The following ROBO2 variants were observed in gnomAD, a reference collection of about 807,000 sequenced individuals.
ROBO2 encodes the protein roundabout guidance receptor 2.
Under a neutral mutation model 160.8 loss-of-function variants are expected in ROBO2, and 53 were observed. The observed-to-expected ratio is 0.33, with a 90% CI of 0.26 to 0.41. The LOEUF (loss-of-function observed/expected upper bound fraction) is 0.41, where lower values mean the gene tolerates loss of function less well. ROBO2 is among the 10% of genes least tolerant of loss of function. ROBO2 has a pLI of 1.00. For missense variants in ROBO2, 1,577 were observed against 1,722.4 expected (o/e 0.92, Z 1.49); for synonymous variants, 664 against 611.7 (o/e 1.09, Z -1.26).
chr3:77,631,516 GT>G (rs1471700469), intron 23 of ROBO2: 1 of 152,032 alleles, frequency 6.6e-6, no homozygotes, highest in Non-Finnish European at 1.5e-5. Flanking sequence ...ATACTTGGTA[GT>G]TTTTTGTGTC....
rs574724641 is a variant in ROBO2 at position 76,109,861 on chromosome 3, C to T, written c.109+172259C>T. 6.4e-4 allele frequency among the ~76,000 whole-genome samples: 97 copies of T among 151,998 alleles called. 3 individuals carry two copies. The South Asian group carries it at 0.018, about 29-fold the overall frequency. On this transcript the variant is annotated intron_variant, in intron 2 of 26. Coordinates refer to the ROBO2 transcript ENST00000487694. The stretch of plus-strand genomic sequence containing the variant: ...GAACTCTACAATGTCTATTATTCTA[C>T]TCTATATGTCTATGTGTGCCTTTTG...
At chr3:77,507,320 C>G (rs187553195) in intron 5 of ROBO2, among the ~76,000 whole-genome samples, 1 of 152,168 alleles carries the variant, frequency 6.6e-6, no homozygotes, top group Non-Finnish European at 1.5e-5. Flanking sequence ...AGTCACTTCC[C>G]CAGCTAGTTC....
intron 2 of ROBO2, among the ~76,000 whole-genome samples, chr3:77,291,259 G>T (rs549285370): frequency 6.7e-6 from 1 of 149,094 alleles, no homozygotes; most frequent in Non-Finnish European, 1.5e-5. Flanking sequence ...CGGTTAAACG[G>T]GTAAGCTGAG....
chr3:77,174,534 A>T (rs912038865), intron 2 of ROBO2, among the ~76,000 whole-genome samples: 2 of 151,990 alleles, frequency 1.3e-5, no homozygotes, highest in Non-Finnish European at 2.9e-5. Context: ...TTTCTGTCTT[A>T]GCAGGTAACT....
chr3:76,323,706 G>T (rs1324029833), intron 2 of ROBO2, among the ~76,000 whole-genome samples: 2 of 152,172 alleles, frequency 1.3e-5, no homozygotes, highest in Non-Finnish European at 2.9e-5. Context: ...GTTTCAAGCT[G>T]TTTCATTTGG....
intron 2 of ROBO2, among the ~76,000 whole-genome samples, chr3:76,093,839 T>A (rs1049053634): frequency 6.6e-6 from 1 of 152,150 alleles, no homozygotes; most frequent in Non-Finnish European, 1.5e-5. Context: ...TTATACTACT[T>A]CTGTGTTATC....
At chr3:77,500,209 C>T (rs894646407) in intron 5 of ROBO2, among the ~76,000 whole-genome samples, 5 of 152,098 alleles carry the variant, frequency 3.3e-5, no homozygotes, top group Non-Finnish European at 7.4e-5. Context: ...TACCATGTGC[C>T]TTACAATGCA....
intron 2 of ROBO2, among the ~76,000 whole-genome samples, chr3:76,153,138 T>C (rs910923062): frequency 4.6e-5 from 7 of 152,152 alleles, no homozygotes; most frequent in Admixed American, 2.6e-4. Flanking sequence ...CAAGAGTGAA[T>C]AGTATGTAAA....
intron 2 of ROBO2, among the ~76,000 whole-genome samples, chr3:76,206,354 C>T (rs1702805309): frequency 6.6e-6 from 1 of 151,938 alleles, no homozygotes; most frequent in South Asian, 2.1e-4. Flanking sequence ...TGGTGTTTGC[C>T]ATTTTGTGTC....
intron 2 of ROBO2, among the ~76,000 whole-genome samples, chr3:76,881,899 C>T (rs1412987678): frequency 6.6e-6 from 1 of 152,036 alleles, no homozygotes; most frequent in Non-Finnish European, 1.5e-5. Context: ...TGGCTGGACT[C>T]AGCAGGATCA....
intron 2 of ROBO2, among the ~76,000 whole-genome samples, chr3:76,209,737 G>T (rs1360583524): frequency 6.6e-6 from 1 of 152,086 alleles, no homozygotes; most frequent in Non-Finnish European, 1.5e-5. Flanking sequence ...CGTGCTCATG[G>T]AATTATTTCA....
chr3:77,531,685 T>A (rs1052412347), intron 6 of ROBO2, among the ~76,000 whole-genome samples: 1 of 152,134 alleles, frequency 6.6e-6, no homozygotes, highest in Admixed American at 6.6e-5. Context: ...CTGTACATAA[T>A]TGGATATTGG....
intron 6 of ROBO2, among the ~76,000 whole-genome samples, chr3:77,538,468 C>T (rs2092291726): frequency 6.6e-6 from 1 of 151,992 alleles, no homozygotes; most frequent in South Asian, 2.1e-4. Context: ...TGAGCCACCA[C>T]GCCTGGCCAA....
chr3:77,006,636 C>T lies in ROBO2; in HGVS notation c.110-91378C>T, dbSNP rs570628323. ...AATATACTTTGTAAATGATAAAGCACGCTTGAAATATTTATTATCATTACT... is the reference window on the plus strand; with the variant it reads ...AATATACTTTGTAAATGATAAAGCATGCTTGAAATATTTATTATCATTACT... On this transcript the variant is annotated intron_variant, in intron 2 of 26. Coordinates refer to the ROBO2 transcript ENST00000487694. 5.9e-5 allele frequency among the ~76,000 whole-genome samples: 9 copies of T among 151,814 alleles called. No individual in the cohort carries two copies. The East Asian group carries it at 1.4e-3, about 23-fold the overall frequency.
At chr3:76,966,741 T>G (rs1235738063) in intron 2 of ROBO2, among the ~76,000 whole-genome samples, 1 of 152,210 alleles carries the variant, frequency 6.6e-6, no homozygotes, top group Non-Finnish European at 1.5e-5. Flanking sequence ...AAGCTAATAA[T>G]AGAACTTCCA....
intron 2 of ROBO2, among the ~76,000 whole-genome samples, chr3:77,327,050 AATG>A (rs1195016471): frequency 1.3e-5 from 2 of 152,196 alleles, no homozygotes; most frequent in Non-Finnish European, 2.9e-5. Flanking sequence ...TTTACAATTG[AATG>A]ATATTATAAA....
chr3:76,468,957 T>A (rs1411915221), intron 2 of ROBO2, among the ~76,000 whole-genome samples: 7 of 152,236 alleles, frequency 4.6e-5, no homozygotes, highest in Non-Finnish European at 8.8e-5. Context: ...CTAAAGGGGA[T>A]CTCTGACTCA....
At chr3:76,493,612 T>G (rs2107555588) in intron 2 of ROBO2, among the ~76,000 whole-genome samples, 1 of 152,126 alleles carries the variant, frequency 6.6e-6, no homozygotes, top group Non-Finnish European at 1.5e-5. Context: ...GTTGACATCT[T>G]ACATTATGCG....
intron 2 of ROBO2, among the ~76,000 whole-genome samples, chr3:76,684,093 G>A (rs1042277488): frequency 2.0e-5 from 3 of 151,972 alleles, no homozygotes; most frequent in Non-Finnish European, 2.9e-5. Flanking sequence ...AGAAAGAGAA[G>A]AGGTATGTAT....
Sources: allele counts gnomAD v4.1 joint callset (sites outside exome capture counted in the v4.1 genomes callset), GRCh38; gene constraint gnomAD v4.1.1; transcripts MANE v1.5; gene names NCBI Gene and HGNC (gene_info 2026-07-23, HGNC 2026-07-21).